SIRT2: variants seen among roughly 807,000 people sequenced by gnomAD.
The protein encoded by SIRT2 is NAD-dependent protein deacetylase sirtuin-2.
SIRT2 carries 40 observed loss-of-function variants against 57.4 expected under a neutral mutation model. The observed-to-expected ratio is 0.70, with a 90% confidence interval of 0.54 to 0.91. SIRT2 has a LOEUF of 0.91. Among genes scored for constraint, SIRT2 ranks in the 40% least tolerant of loss-of-function variants. SIRT2 has a pLI of 0.00. For synonymous variants in SIRT2, 161 were observed against 195.7 expected, an observed-to-expected ratio of 0.82 and a Z score of 1.48; for missense variants, 439 against 510.4, an observed-to-expected ratio of 0.86 and a Z score of 1.35.
chr19:38,880,137 T>G lies in SIRT2; in HGVS notation c.877-435A>C. ...ATTGCGCCCAGCCAGCTCAGTGACT[T>G]TGGTCAAGTGACTTGTCCTCTCTGT... On this transcript the variant is annotated intron_variant, in intron 13 of 15. Transcript: ENST00000249396. The surrounding 1 kb of genome is among the most constrained non-coding windows in gnomAD (Gnocchi z 4.1). 5.2e-6 allele frequency: 1 copy of G among 191,236 alleles called. No homozygotes were observed. The allele number at this position is 191,236 out of a possible 1,614,324, so 11.8% of individuals were successfully genotyped here. A position where few individuals can be genotyped will look rare whatever the true frequency, so the allele number is the denominator to read the frequency against.
chr19:38,886,728 T>C (rs1224040007), intron 8 of SIRT2, among the ~76,000 whole-genome samples: 1 of 151,670 alleles, frequency 6.6e-6, no homozygotes, highest in Non-Finnish European at 1.5e-5. Flanking sequence ...TTTAAGTGAT[T>C]CTCCTGCCTC....
Position 38,892,102 on chromosome 19 carries a change from A to C in SIRT2, c.226+1312T>G, listed in dbSNP as rs191773319. The C allele has an allele frequency of 8.9e-4, 317 of 356,500 alleles. 2 individuals carry two copies. Among genetic ancestry groups the C allele is most frequent in the Non-Finnish European group, 1.7e-5 (3 of 171,670 alleles). 22.1% of individuals were successfully genotyped at this position (356,500 alleles called of 1,614,324 possible). On this transcript the variant is annotated intron_variant, in intron 4 of 15. Transcript: ENST00000249396. ...TGGTGACCTCAACTTGTGGCAAGAA[A>C]TATAAATTTCAGGCCGGGACGGGTG...
At chr19:38,885,312 C>G (rs1973291832) in intron 8 of SIRT2, among the ~76,000 whole-genome samples, 1 of 151,242 alleles carries the variant, frequency 6.6e-6, no homozygotes, top group African/African-American at 2.4e-5. Context: ...CCCTATTTGC[C>G]CGGGCTGGTC....
At chr19:38,890,427 A>G (rs1973497615) in intron 4 of SIRT2, 1 of 462,222 alleles carries the variant, frequency 2.2e-6, no homozygotes. Flanking sequence ...GCAGTGGCTC[A>G]TGCCTGTAAT....
intron 2 of SIRT2, 105 bp downstream of exon 2, chr19:38,898,274 G>T: frequency 1.3e-6 from 1 of 763,156 alleles, no homozygotes; most frequent in East Asian, 3.3e-5. Flanking sequence ...GGGGCAATGA[G>T]CCGAGGGCCC....
intron 8 of SIRT2, among the ~76,000 whole-genome samples, chr19:38,887,901 A>C (rs1163581402): frequency 6.6e-6 from 1 of 152,026 alleles, no homozygotes; most frequent in Non-Finnish European, 1.5e-5. Context: ...CTGGGGTTAC[A>C]GGCACCACCA....
At chr19:38,894,961 T>A (rs553864998) in intron 2 of SIRT2, 2 of 455,728 alleles carry the variant, frequency 4.4e-6, no homozygotes, top group African/African-American at 4.0e-5. Context: ...ACTCCTACTA[T>A]GTCCCAAATG....
chr19:38,897,843 T>A (rs3136639), intron 2 of SIRT2, among the ~76,000 whole-genome samples: 34,383 of 151,864 alleles, frequency 0.23, 7,985 homozygotes, highest in African/African-American at 0.6. Flanking sequence ...ACTTTCTTTC[T>A]TTTTTACTTT....
chr19:38,883,598 C>T lies in SIRT2; in HGVS notation c.631+29G>A, dbSNP rs1286742166. 1.9e-6 allele frequency: 3 copies of T among 1,607,396 alleles called. No individual in the cohort carries two copies. In the Admixed American group the frequency reaches 5.0e-5, roughly 27 times the overall value. On this transcript the variant is annotated intron_variant, in intron 9 of 15. Coordinates refer to ENST00000249396, the MANE Select transcript of SIRT2 (RefSeq NM_012237.4). ...CACTGCTCCTGGTGCTGAGAGGAGG[C>T]CTGCCCTCAGGATGCCCTCCAGCCT...
chr19:38,885,387 G>C (rs1973295666), intron 8 of SIRT2, among the ~76,000 whole-genome samples: 1 of 151,532 alleles, frequency 6.6e-6, no homozygotes, highest in African/African-American at 2.4e-5. Flanking sequence ...TTACAGGCGT[G>C]AGACACCATG....
chr19:38,897,962 C>T (rs777108322), intron 2 of SIRT2, among the ~76,000 whole-genome samples: 6 of 152,250 alleles, frequency 3.9e-5, no homozygotes, highest in Admixed American at 2.0e-4. Context: ...CCTCAGTCTC[C>T]TGAGTTATTG....
rs924345120 is a variant in SIRT2 at position 38,890,102 on chromosome 19, C to T, written c.268+1G>A. ...GCTGCTGGGGGAGAAGGGTTACTTA[C>T]ATGTGGAGATTCCAGCTCCCACCAA... On this transcript the variant is annotated splice_donor_variant, in intron 5 of 15. Coordinates refer to ENST00000249396, the MANE Select transcript of SIRT2 (RefSeq NM_012237.4). LOFTEE classifies it high-confidence loss of function. 2.8e-5 allele frequency: 46 copies of T among 1,614,082 alleles called. No individual in the cohort carries two copies. The highest frequency in any genetic ancestry group is 3.6e-5 in the Non-Finnish European group (42 of 1,180,046).
rs199812186 is a variant in SIRT2 at position 38,883,700 on chromosome 19, C to A, written c.558G>T (p.Ala186=). Reference sequence around the variant, plus strand: ...AGTGTGATGTGTAGAAGGTGCCGTGCGCCTCCACCAAGTCCTCCTGTTCCA... The same window carrying A: ...AGTGTGATGTGTAGAAGGTGCCGTGAGCCTCCACCAAGTCCTCCTGTTCCA... ...AGLEQEDLVE[A]HGTFYTSHCV... is the part of the protein sequence containing the mutation. The change falls in exon 9 of 16, where the codon GCG becomes GCT. Residue 186 remains alanine (A), a synonymous_variant. Coordinates refer to ENST00000249396, the MANE Select transcript of SIRT2 (RefSeq NM_012237.4). 2 of 1,614,068 alleles carry A rather than the reference C, an allele frequency of 1.2e-6. No individual in the cohort carries two copies. Among genetic ancestry groups the A allele is most frequent in the Non-Finnish European group, 1.7e-6 (2 of 1,179,972 alleles).
intron 2 of SIRT2, among the ~76,000 whole-genome samples, chr19:38,895,225 C>T (rs1310159385): frequency 6.6e-6 from 1 of 152,188 alleles, no homozygotes. Context: ...CTCCCCCAGC[C>T]TCCCAGCCTC....
Position 38,898,586 on chromosome 19 carries a change from AAG to A in SIRT2, c.17-163_17-162del, listed in dbSNP as rs983428147. ...GCAGAGGGAGGGAGGGGACGGAGAAAAGATCTTATCTACATGCAAAGTGATGC... is the reference window on the plus strand; with the variant it reads ...GCAGAGGGAGGGAGGGGACGGAGAAAATCTTATCTACATGCAAAGTGATGC... On this transcript the variant is annotated intron_variant, in intron 1 of 15. Transcript: ENST00000249396. 55 of 416,322 alleles carry A rather than the reference AAG, an allele frequency of 1.3e-4. No individual in the cohort carries two copies. The Admixed American group carries it at 1.9e-3, about 15-fold the overall frequency. 25.8% of individuals were successfully genotyped at this position (416,322 alleles called of 1,614,324 possible). A position where few individuals can be genotyped will look rare whatever the true frequency, so the allele number is the denominator to read the frequency against.
chr19:38,893,930 G>T (rs765880619), intron 2 of SIRT2, 63 bp from the exon 3 acceptor site: 8 of 1,607,704 alleles, frequency 5.0e-6, no homozygotes, highest in Non-Finnish European at 5.9e-6. Context: ...AGGAGAGGGG[G>T]TGATACCAGG....
In SIRT2 at chr19:38,899,506, G is replaced by C. The variant is rs748872953; in HGVS notation, c.16C>G (p.Pro6Ala). MAEPDPSHPLETQAGK... is the reference protein window; with the variant it reads MAEPDASHPLETQAGK... ...CCTCCTACCCGGATCCCCGACTCACGGTCTGGCTCTGCCATGGGCGCGGTG... is the reference window on the plus strand; with the variant it reads ...CCTCCTACCCGGATCCCCGACTCACCGTCTGGCTCTGCCATGGGCGCGGTG... The change falls in exon 1 of 16, where the codon CCC becomes GCC. Residue 6 changes from proline to alanine, a missense_variant and splice_region_variant. Transcript: ENST00000249396. The C allele has an allele frequency of 1.2e-5, 19 of 1,613,420 alleles. No homozygotes were observed. Among genetic ancestry groups the C allele is most frequent in the Middle Eastern group, 1.6e-4 (1 of 6,080 alleles).
In SIRT2 at chr19:38,889,972, G is replaced by A; in HGVS notation, c.269-11C>T. 1 of 1,613,630 alleles carries A rather than the reference G, an allele frequency of 6.2e-7. No individual in the cohort carries two copies. Among genetic ancestry groups the A allele is most frequent in the Non-Finnish European group, 8.5e-7 (1 of 1,179,510 alleles). On this transcript the variant is annotated splice_polypyrimidine_tract_variant and intron_variant, in intron 5 of 15. Transcript: ENST00000249396. ...CGGGGATGCCTGCGGCTAGGAAAGG[G>A]GGGTCAGGGAGCAGTTGGTCTATAC...
At chr19:38,889,049 C>A in intron 8 of SIRT2, 38 bp downstream of exon 8, 1 of 1,592,986 alleles carries the variant, frequency 6.3e-7, no homozygotes, top group Non-Finnish European at 8.6e-7. Flanking sequence ...CCCGTTCCAC[C>A]CGCCCATCCT....
Sources: gnomAD v4.1 joint callset for allele counts (sites outside exome capture counted in the v4.1 genomes callset) on GRCh38, gnomAD v4.1.1 for gene constraint, Gnocchi (gnomAD v3.1) non-coding constraint, MANE v1.5 for transcripts, NCBI Gene and HGNC (gene_info 2026-07-23, HGNC 2026-07-21) for gene names.